The following SGMS1 variants were observed in gnomAD, a reference collection of about 807,000 sequenced individuals.
SGMS1 encodes phosphatidylcholine:ceramide cholinephosphotransferase 1.
In SGMS1, 13 loss-of-function variants were observed where a neutral mutation model predicts 46.2. That is an observed-to-expected ratio of 0.28 (90% CI 0.18 to 0.45). The LOEUF is 0.45. Ranked by LOEUF, SGMS1 falls within the 20% of genes least tolerant of loss-of-function variation. The pLI, the probability that SGMS1 is intolerant of heterozygous loss-of-function variation, is 1.00. For synonymous variants in SGMS1, 203 were observed against 187.8 expected (o/e 1.08, Z -0.66); for missense variants, 324 against 519.9 (o/e 0.62, Z 3.66).
intron 7 of SGMS1, chr10:50,342,097 T>G (rs1356975555): frequency 6.6e-6 from 1 of 152,200 alleles, no homozygotes; most frequent in Non-Finnish European, 1.5e-5. Context: ...GAAGCATAAT[T>G]TGAGTTGACC....
At chr10:50,485,789 A>G (rs1453208404) in intron 3 of SGMS1, among the ~76,000 whole-genome samples, 1 of 152,164 alleles carries the variant, frequency 6.6e-6, no homozygotes. Flanking sequence ...AGTCCCAACT[A>G]CTTGGTAGGC....
intron 2 of SGMS1, among the ~76,000 whole-genome samples, chr10:50,543,325 CCACA>C (rs2133821600): frequency 6.6e-6 from 1 of 152,288 alleles, no homozygotes; most frequent in African/African-American, 2.4e-5. Flanking sequence ...TTTAACACAT[CCACA>C]CAGGAGGCCC....
chr10:50,619,395 T>TA (rs1838827007), intron 1 of SGMS1, among the ~76,000 whole-genome samples: 2 of 152,076 alleles, frequency 1.3e-5, no homozygotes, highest in African/African-American at 2.4e-5. Flanking sequence ...TAATGTTGAA[T>TA]AAAAAAAGAA....
At chr10:50,484,691 C>T (rs1837504768) in intron 3 of SGMS1, among the ~76,000 whole-genome samples, 1 of 152,142 alleles carries the variant, frequency 6.6e-6, no homozygotes, top group Admixed American at 6.6e-5. Context: ...CAAAAGCTTA[C>T]CCACCATGAT....
chr10:50,616,857 CAAT>C (rs1447090686), intron 1 of SGMS1, among the ~76,000 whole-genome samples: 1 of 152,078 alleles, frequency 6.6e-6, no homozygotes, highest in Non-Finnish European at 1.5e-5. Context: ...GACAGAATTA[CAAT>C]AAGACAGAAA....
At chr10:50,457,404 G>GT (rs937766731) in intron 5 of SGMS1, among the ~76,000 whole-genome samples, 1 of 152,056 alleles carries the variant, frequency 6.6e-6, no homozygotes, top group African/African-American at 2.4e-5. Context: ...TTAAGCAAAT[G>GT]TTTTTTACAT....
intron 7 of SGMS1, among the ~76,000 whole-genome samples, chr10:50,338,721 T>A (rs572069352): frequency 2.9e-4 from 44 of 152,216 alleles, no homozygotes; most frequent in African/African-American, 1.0e-3. Flanking sequence ...ATGATCATCT[T>A]CTACCTGGAC....
chr10:50,435,904 T>A lies in SGMS1; in HGVS notation c.-312-2348A>T, dbSNP rs962624445. Among the ~76,000 whole-genome samples the A allele has an allele frequency of 3.3e-5, 5 of 152,372 alleles. No individual in the cohort carries two copies. The East Asian group carries it at 9.6e-4, about 29-fold the overall frequency. Reference sequence around the variant, plus strand: ...TGGGACTCACTCCAGTGATGCTGACTGCTCAGAATAAGTACTCGTCTTTTA... The same window carrying A: ...TGGGACTCACTCCAGTGATGCTGACAGCTCAGAATAAGTACTCGTCTTTTA... On this transcript the variant is annotated intron_variant, in intron 5 of 10. Coordinates refer to ENST00000361781, the MANE Select transcript of SGMS1 (RefSeq NM_147156.4).
intron 2 of SGMS1, among the ~76,000 whole-genome samples, chr10:50,557,879 T>C (rs1418533206): frequency 6.6e-6 from 1 of 152,168 alleles, no homozygotes; most frequent in East Asian, 1.9e-4. Context: ...TTCCCAACTG[T>C]AGATGGACTG....
chr10:50,605,733 C>A (rs2131918653), intron 1 of SGMS1, among the ~76,000 whole-genome samples: 1 of 152,314 alleles, frequency 6.6e-6, no homozygotes, highest in Admixed American at 6.5e-5. Context: ...CACAAGAAGG[C>A]ACATATTTTT....
At chr10:50,316,165 C>CCAT (rs1339692067) in intron 8 of SGMS1, among the ~76,000 whole-genome samples, 2 of 152,144 alleles carry the variant, frequency 1.3e-5, no homozygotes, top group African/African-American at 4.8e-5. Context: ...TACTTCAGCC[C>CCAT]CATTAGGAGG....
At chr10:50,592,235 ACT>A (rs1838548636) in intron 1 of SGMS1, among the ~76,000 whole-genome samples, 2 of 152,360 alleles carry the variant, frequency 1.3e-5, no homozygotes, top group South Asian at 4.1e-4. Flanking sequence ...CATCAGTGTT[ACT>A]CAAAGATTTT....
intron 3 of SGMS1, among the ~76,000 whole-genome samples, chr10:50,493,992 T>C (rs1837588947): frequency 6.6e-6 from 1 of 152,228 alleles, no homozygotes. Flanking sequence ...AGAGATGGGG[T>C]TTCACCATGT....
At chr10:50,332,469 T>C (rs1405024437) in intron 7 of SGMS1, among the ~76,000 whole-genome samples, 1 of 152,166 alleles carries the variant, frequency 6.6e-6, no homozygotes, top group Admixed American at 6.6e-5. Flanking sequence ...TCCCATATTC[T>C]GTGGAAGCTA....
intron 3 of SGMS1, among the ~76,000 whole-genome samples, chr10:50,507,823 A>G (rs927048): frequency 0.17 from 25,259 of 152,272 alleles, 2,575 homozygotes; most frequent in East Asian, 0.27. Context: ...AGATGGCTTC[A>G]TGCTATCCTC....
chr10:50,334,746 A>T (rs1847687990), intron 7 of SGMS1: 2 of 152,262 alleles, frequency 1.3e-5, no homozygotes, highest in South Asian at 4.1e-4. Flanking sequence ...ATGGACAAAC[A>T]TCCTGGCTTG....
intron 2 of SGMS1, among the ~76,000 whole-genome samples, chr10:50,563,786 C>T (rs1838264165): frequency 6.6e-6 from 1 of 151,690 alleles, no homozygotes; most frequent in Non-Finnish European, 1.5e-5. Flanking sequence ...TTGATGGAAC[C>T]CATCCTATGC....
At chr10:50,477,961 G>A (rs1837443032) in intron 3 of SGMS1, among the ~76,000 whole-genome samples, 1 of 152,184 alleles carries the variant, frequency 6.6e-6, no homozygotes, top group African/African-American at 2.4e-5. Flanking sequence ...GTGAGGGCAG[G>A]CTAATACATA....
At chr10:50,567,317 C>T (rs115884444) in intron 2 of SGMS1, among the ~76,000 whole-genome samples, 1,918 of 152,254 alleles carry the variant, frequency 0.013, 47 homozygotes, top group African/African-American at 0.044. Context: ...CAACCCATAG[C>T]TGGTTGAATC....
Sources: gnomAD v4.1 joint callset for allele counts (sites outside exome capture counted in the v4.1 genomes callset) on GRCh38, gnomAD v4.1.1 for gene constraint, MANE v1.5 for transcripts, NCBI Gene and HGNC (gene_info 2026-07-23, HGNC 2026-07-21) for gene names.